Variants in MYBPC2 observed in about 807,000 individuals in gnomAD.
The protein encoded by MYBPC2 is myosin-binding protein C, fast-type.
A neutral mutation model predicts 137.0 loss-of-function variants in MYBPC2; 122 were observed. The ratio of observed to expected loss-of-function variants is 0.89; its 90% CI spans 0.77 to 1.03. The LOEUF is 1.03. Ranked by LOEUF, MYBPC2 falls within the 50% of genes least tolerant of loss-of-function variation. The pLI, the probability that MYBPC2 is intolerant of heterozygous loss-of-function variation, is 0.00. For synonymous variants in MYBPC2, 626 were observed against 612.3 expected (o/e 1.02, Z -0.33); for missense variants, 1,500 against 1,534.4 (o/e 0.98, Z 0.37).
At position 50,461,624 on chromosome 19, in the gene MYBPC2, G is replaced by A. The variant is rs759798722; in HGVS notation, c.3014G>A (p.Arg1005Gln). The change falls in exon 25 of 28, where the codon CGA becomes CAA. Residue 1005 changes from arginine (R) to glutamine (Q), a missense_variant. Coordinates refer to ENST00000357701, the MANE Select transcript of MYBPC2 (RefSeq NM_004533.4). ...ATCGTGGGCAATGAATACTATTTCCGAGTTTACACCGAGAACATCTGTGGG... is the reference window on the plus strand; with the variant it reads ...ATCGTGGGCAATGAATACTATTTCCAAGTTTACACCGAGAACATCTGTGGG... The part of the protein sequence containing the change: ...DLIVGNEYYF[R>Q]VYTENICGLS... The A allele has an allele frequency of 3.1e-6, 5 of 1,613,304 alleles. No individual in the cohort carries two copies. The highest frequency in any genetic ancestry group is 4.5e-5 in the East Asian group (2 of 44,862).
At chr19:50,464,130 G>A (rs888114825) in intron 26 of MYBPC2, 9 of 486,016 alleles carry the variant, frequency 1.9e-5, no homozygotes, top group Non-Finnish European at 3.0e-5. Context: ...TGTCCTGAGA[G>A]CAATGGGAAG....
chr19:50,450,680 G>T, intron 13 of MYBPC2, 149 bp from the exon 14 acceptor site: 1 of 607,958 alleles, frequency 1.6e-6, no homozygotes, highest in Non-Finnish European at 3.0e-6. Flanking sequence ...CATAGCTACC[G>T]ATTTGAAAAT....
In MYBPC2 at chr19:50,451,303, A is replaced by G; in HGVS notation, c.1603A>G (p.Lys535Glu). 1.2e-6 allele frequency: 2 copies of G among 1,613,420 alleles called. No homozygotes were observed. Among genetic ancestry groups the G allele is most frequent in the Non-Finnish European group, 1.7e-6 (2 of 1,179,802 alleles). The change falls in exon 15 of 28, where the codon AAG (lysine) becomes GAG (glutamate). Residue 535 changes from lysine (K) to glutamate (E), a missense_variant. Transcript: ENST00000357701. ...AGAAATCAAGGTGGAGTACGTTCCC[A>G]AGCAAGGTGAGCACCACGGGCTGCG... is the stretch of plus-strand genomic sequence containing the variant. ...FLEIKVEYVPKQEPPKIHLDC... is the reference protein window; with the variant it reads ...FLEIKVEYVPEQEPPKIHLDC...
At chr19:50,446,881 G>A (rs2039810836) in intron 12 of MYBPC2, among the ~76,000 whole-genome samples, 1 of 151,540 alleles carries the variant, frequency 6.6e-6, no homozygotes, top group Non-Finnish European at 1.5e-5. Flanking sequence ...CAGCCACTCA[G>A]GAGTCTGAGG....
At position 50,442,317 on chromosome 19, in the gene MYBPC2, T is replaced by C. The variant is rs750851951; in HGVS notation, c.902+4T>C. 2 of 1,608,130 alleles carry C rather than the reference T, an allele frequency of 1.2e-6. No individual in the cohort carries two copies. The highest frequency in any genetic ancestry group is 1.7e-6 in the Non-Finnish European group (2 of 1,177,448). ...AGGAGATCAAACCAAGCAGCAAGTA[T>C]GTGTGGGGTGGGCAGTCCCTGCACC... On this transcript the variant is annotated splice_donor_region_variant and intron_variant, in intron 9 of 27. Transcript: ENST00000357701.
rs931895885 is a variant in MYBPC2 at position 50,435,797 on chromosome 19, C to A, written c.131C>A (p.Ser44Tyr). 3 of 1,611,654 alleles carry A rather than the reference C, an allele frequency of 1.9e-6. No homozygotes were observed. The Admixed American group carries it at 5.0e-5, about 27-fold the overall frequency. The change falls in exon 3 of 28, where the codon TCC (serine) becomes TAC (tyrosine). Residue 44 changes from serine (S) to tyrosine (Y), a missense_variant. By Grantham distance (144) the Ser-to-Tyr change is moderately radical (BLOSUM62 -2). Coordinates refer to ENST00000357701, the MANE Select transcript of MYBPC2 (RefSeq NM_004533.4). The surrounding 1 kb of genome is among the most constrained non-coding windows in gnomAD (Gnocchi z 4.8). ...ACAGAAGCCCCACCCGAGGACCAGT[C>A]CCCGACTGCAGAGGAGCCCACCGGC... ...APKEAPPEDQ[S>Y]PTAEEPTGVF... is the part of the protein sequence containing the mutation.
chr19:50,457,560 G>C (rs2039924623), intron 20 of MYBPC2, among the ~76,000 whole-genome samples: 1 of 152,072 alleles, frequency 6.6e-6, no homozygotes, highest in Non-Finnish European at 1.5e-5. Flanking sequence ...TAACATCCTA[G>C]TCCACAGAGC....
At chr19:50,455,337 G>T in intron 19 of MYBPC2, 41 bp downstream of exon 19, 2 of 1,591,544 alleles carry the variant, frequency 1.3e-6, no homozygotes, top group Non-Finnish European at 8.6e-7. Flanking sequence ...GGTAATGATG[G>T]ATCACTCTGA....
Position 50,437,474 on chromosome 19 carries a change from AC to A in MYBPC2, c.469del (p.Arg157ValfsTer9). On this transcript the variant is annotated frameshift_variant and splice_region_variant, in exon 6 of 28. Coordinates refer to ENST00000357701, the MANE Select transcript of MYBPC2 (RefSeq NM_004533.4). LOFTEE classifies it high-confidence loss of function. The part of the protein sequence containing the change: ...SCGFNIDVEA[P>X]RQDASGQSLE... ...CCTTCTCTCATCACCTCTCCCCAGC[AC>A]CCCGTCAGGATGCCTCTGGGCAGAG... 3.1e-6 allele frequency: 5 copies of A among 1,610,400 alleles called. No individual in the cohort carries two copies. Among genetic ancestry groups the A allele is most frequent in the Non-Finnish European group, 3.4e-6 (4 of 1,178,446 alleles).
intron 8 of MYBPC2, 104 bp from the exon 9 acceptor site, chr19:50,442,077 C>G: frequency 1.4e-6 from 2 of 1,406,048 alleles, no homozygotes; most frequent in East Asian, 2.5e-5. Flanking sequence ...TCACTTTGAC[C>G]TTGGAGAGCC....
Position 50,435,872 on chromosome 19 carries a change from AC to A in MYBPC2, c.196+13del. 6.3e-7 allele frequency: 1 copy of A among 1,577,306 alleles called. No individual in the cohort carries two copies. The highest frequency in any genetic ancestry group is 8.6e-7 in the Non-Finnish European group (1 of 1,160,190). ...GTCTCAGTGGAGACTGGTGAGGGGA[AC>A]CCGGGGGAGGAGGGGCTGCGGCCCG... On this transcript the variant is annotated intron_variant, in intron 3 of 27. Coordinates refer to ENST00000357701, the MANE Select transcript of MYBPC2 (RefSeq NM_004533.4). The surrounding 1 kb of genome is among the most constrained non-coding windows in gnomAD (Gnocchi z 4.8).
chr19:50,459,358 G>A, intron 23 of MYBPC2, 52 bp downstream of exon 23: 1 of 1,544,408 alleles, frequency 6.5e-7, no homozygotes, highest in South Asian at 1.2e-5. Context: ...GGGATGGGCA[G>A]CGATGGGGGA....
intron 12 of MYBPC2, 130 bp from the exon 13 acceptor site, chr19:50,448,095 G>C (rs2039821840): frequency 8.9e-7 from 1 of 1,125,874 alleles, no homozygotes; most frequent in Non-Finnish European, 1.2e-6. Flanking sequence ...AGGCCAACGG[G>C]TTGTTTCTGG....
Position 50,455,775 on chromosome 19 carries a change from G to A in MYBPC2, c.2338+131G>A, listed in dbSNP as rs180811979. 1.9e-4 allele frequency: 253 copies of A among 1,338,536 alleles called. 4 individuals carry two copies. The East Asian group carries it at 4.9e-3, about 26-fold the overall frequency. 82.9% of individuals were successfully genotyped at this position (1,338,536 alleles called of 1,614,324 possible). A position where few individuals can be genotyped will look rare whatever the true frequency, so the allele number is the denominator to read the frequency against. On this transcript the variant is annotated intron_variant, in intron 20 of 27. Coordinates refer to ENST00000357701, the MANE Select transcript of MYBPC2 (RefSeq NM_004533.4). ...CCTGCTTGTGTTTTGTGTCTGTACTGTTATAAGTCTCTGGGATGGGACCCC... is the reference window on the plus strand; with the variant it reads ...CCTGCTTGTGTTTTGTGTCTGTACTATTATAAGTCTCTGGGATGGGACCCC...
In MYBPC2 at chr19:50,445,977, G is replaced by A. The variant is rs1441099173; in HGVS notation, c.1231G>A (p.Val411Met). The A allele has an allele frequency of 3.1e-6, 5 of 1,613,128 alleles. No individual in the cohort carries two copies. The highest frequency in any genetic ancestry group is 1.7e-5 in the Admixed American group (1 of 59,876). ...GKRHILIFSD[V>M]VQEDRGRYQV... Reference sequence around the variant, plus strand: ...GCGCCACATCCTCATCTTCTCAGACGTGGTCCAGGAGGACAGGGGTCGCTA... The same window carrying A: ...GCGCCACATCCTCATCTTCTCAGACATGGTCCAGGAGGACAGGGGTCGCTA... Residue 411 changes from valine (V) to methionine (M), a missense_variant, in exon 12 of 28, where the codon GTG becomes ATG. Coordinates refer to ENST00000357701, the MANE Select transcript of MYBPC2 (RefSeq NM_004533.4).
chr19:50,450,767 C>A, intron 13 of MYBPC2, 62 bp from the exon 14 acceptor site: 3 of 1,221,762 alleles, frequency 2.5e-6, no homozygotes, highest in Non-Finnish European at 3.5e-6. Context: ...TGAGGCGGTG[C>A]AGCCCCATAG....
intron 23 of MYBPC2, 116 bp from the exon 24 acceptor site, chr19:50,459,924 G>A (rs2039955618): frequency 6.9e-7 from 1 of 1,441,456 alleles, no homozygotes. Context: ...GCAGGAATGG[G>A]AATGGGGCAT....
At chr19:50,458,850 A>C in intron 21 of MYBPC2, 68 bp from the exon 22 acceptor site, 7 of 1,594,968 alleles carry the variant, frequency 4.4e-6, no homozygotes, top group Non-Finnish European at 5.1e-6. Flanking sequence ...AGAGAGCCTT[A>C]TCACCATTGG....
At position 50,432,985 on chromosome 19, in the gene MYBPC2, C is replaced by T. The variant is rs368829080; in HGVS notation, c.19+13C>T. 5.0e-6 allele frequency: 8 copies of T among 1,593,780 alleles called. No individual in the cohort carries two copies. The African/African-American group carries it at 8.1e-5, about 16-fold the overall frequency. ...GAGGCAAAACCAGGTGGCGCCAGGA[C>T]CCCCTCCCTGTGTGGGGATGGGGCT... On this transcript the variant is annotated intron_variant, in intron 1 of 27. Coordinates refer to ENST00000357701, the MANE Select transcript of MYBPC2 (RefSeq NM_004533.4). This position sits in a 1 kb window ranked among gnomAD's most constrained non-coding sequence, Gnocchi z 5.5.
Sources: allele counts gnomAD v4.1 joint callset (sites outside exome capture counted in the v4.1 genomes callset), GRCh38; gene constraint gnomAD v4.1.1; non-coding constraint Gnocchi (gnomAD v3.1); transcripts MANE v1.5; gene names NCBI Gene and HGNC (gene_info 2026-07-23, HGNC 2026-07-21).